The following CTNNA3 variants were observed in gnomAD, a reference collection of about 807,000 sequenced individuals.
CTNNA3 encodes catenin alpha-3.
A neutral mutation model predicts 95.7 loss-of-function variants in CTNNA3; 76 were observed. That is an observed-to-expected ratio of 0.79 (90% CI 0.66 to 0.96). The LOEUF is 0.96. Among genes scored for constraint, CTNNA3 ranks in the 40% least tolerant of loss-of-function variants. CTNNA3 has a pLI of 0.00. For missense variants in CTNNA3, 1,191 were observed against 1,089.8 expected, an observed-to-expected ratio of 1.09 and a Z score of -1.31; for synonymous variants, 431 against 374.4, an observed-to-expected ratio of 1.15 and a Z score of -1.74.
intron 13 of CTNNA3, among the ~76,000 whole-genome samples, chr10:66,214,349 C>G (rs1022710555): frequency 6.6e-6 from 1 of 152,124 alleles, no homozygotes; most frequent in Non-Finnish European, 1.5e-5. Context: ...GGAGAAACAG[C>G]ATATATTATA....
At chr10:67,602,025 T>C (rs1446780334) in intron 3 of CTNNA3, among the ~76,000 whole-genome samples, 1 of 152,180 alleles carries the variant, frequency 6.6e-6, no homozygotes, top group African/African-American at 2.4e-5. Flanking sequence ...TATGTCTTTA[T>C]TGGAAGGAAA....
chr10:66,181,493 G>A (rs1167449067), intron 13 of CTNNA3, among the ~76,000 whole-genome samples: 2 of 152,000 alleles, frequency 1.3e-5, no homozygotes, highest in African/African-American at 4.8e-5. Flanking sequence ...GGCCTTTGAT[G>A]CTCATTCTCT....
chr10:67,379,832 T>A, intron 5 of CTNNA3, among the ~76,000 whole-genome samples: 1 of 151,730 alleles, frequency 6.6e-6, no homozygotes, highest in East Asian at 1.9e-4. Flanking sequence ...GCATCCCGGC[T>A]AAAACGGTGA....
At chr10:67,575,617 C>G (rs977217789) in intron 3 of CTNNA3, among the ~76,000 whole-genome samples, 1 of 152,186 alleles carries the variant, frequency 6.6e-6, no homozygotes, top group Non-Finnish European at 1.5e-5. Flanking sequence ...ACCCACTGCT[C>G]ATTTCTGCCT....
intron 1 of CTNNA3, among the ~76,000 whole-genome samples, chr10:67,727,006 T>C (rs867877946): frequency 1.1e-3 from 129 of 112,726 alleles, no homozygotes; most frequent in African/African-American, 3.7e-3. Flanking sequence ...ATATAATATA[T>C]GATACATATA....
At chr10:67,749,513 C>G (rs763755249) in intron 1 of CTNNA3, among the ~76,000 whole-genome samples, 3 of 152,142 alleles carry the variant, frequency 2.0e-5, no homozygotes, top group African/African-American at 4.8e-5. Context: ...GAAAGTGACT[C>G]AAAACCACAC....
intron 12 of CTNNA3, among the ~76,000 whole-genome samples, chr10:66,351,625 A>G (rs567117735): frequency 4.0e-4 from 61 of 152,206 alleles, no homozygotes; most frequent in African/African-American, 1.4e-3. Context: ...GGTTAAAAAC[A>G]TGATCACATT....
At chr10:67,245,225 C>T (rs1564508572) in intron 5 of CTNNA3, among the ~76,000 whole-genome samples, 2 of 152,140 alleles carry the variant, frequency 1.3e-5, no homozygotes, top group African/African-American at 2.4e-5. Flanking sequence ...GACTCCCTAA[C>T]TTCTTTCAAG....
At chr10:66,115,813 C>T (rs72793499) in intron 13 of CTNNA3, among the ~76,000 whole-genome samples, 15,522 of 151,848 alleles carry the variant, frequency 0.1, 1,031 homozygotes, top group African/African-American at 0.19. Context: ...ATAAGCAGGA[C>T]GGCCAAAACT....
intron 14 of CTNNA3, among the ~76,000 whole-genome samples, chr10:66,102,900 A>G (rs941696762): frequency 6.6e-6 from 1 of 152,050 alleles, no homozygotes; most frequent in Non-Finnish European, 1.5e-5. Flanking sequence ...TATTCCCATG[A>G]CTCCTATAAA....
chr10:66,778,403 T>G (rs913764708), intron 7 of CTNNA3, among the ~76,000 whole-genome samples: 1 of 152,182 alleles, frequency 6.6e-6, no homozygotes, highest in Admixed American at 6.5e-5. Flanking sequence ...GAATTCTGTG[T>G]TCTGAGACAA....
intron 3 of CTNNA3, among the ~76,000 whole-genome samples, chr10:67,548,762 A>G (rs1403683105): frequency 2.0e-5 from 3 of 152,116 alleles, no homozygotes; most frequent in Non-Finnish European, 4.4e-5. Flanking sequence ...GAACTGGACA[A>G]TCAAAACTTA....
intron 7 of CTNNA3, among the ~76,000 whole-genome samples, chr10:66,832,665 T>A (rs1219038343): frequency 6.6e-6 from 1 of 151,910 alleles, no homozygotes; most frequent in Non-Finnish European, 1.5e-5. Flanking sequence ...GGTTTTTTTA[T>A]GACCCAACTC....
At chr10:66,107,701 A>G (rs2081962241) in intron 13 of CTNNA3, among the ~76,000 whole-genome samples, 2 of 152,082 alleles carry the variant, frequency 1.3e-5, no homozygotes, top group African/African-American at 4.8e-5. Flanking sequence ...AGGATCCCTA[A>G]TGAAACAGGT....
intron 13 of CTNNA3, among the ~76,000 whole-genome samples, chr10:66,130,162 G>A (rs1475499746): frequency 6.6e-6 from 1 of 152,242 alleles, no homozygotes. Context: ...ACATAGTCCT[G>A]CACCCACCAC....
At chr10:67,231,118 A>G (rs1213557005) in intron 5 of CTNNA3, among the ~76,000 whole-genome samples, 1 of 152,216 alleles carries the variant, frequency 6.6e-6, no homozygotes, top group Non-Finnish European at 1.5e-5. Flanking sequence ...GCCATTGCCC[A>G]GGCCTGCTTA....
intron 1 of CTNNA3, among the ~76,000 whole-genome samples, chr10:67,655,921 GAA>G (rs71006157): frequency 2.1e-4 from 32 of 149,240 alleles, no homozygotes; most frequent in African/African-American, 7.9e-4. Context: ...GATGTTAACT[GAA>G]AAAAAAAATC....
At chr10:66,811,032 G>A (rs7350451) in intron 7 of CTNNA3, among the ~76,000 whole-genome samples, 91,483 of 152,038 alleles carry the variant, frequency 0.6, 27,597 homozygotes, top group East Asian at 0.76. Context: ...TTAGATAAAC[G>A]CAAATTGAAA....
At chr10:67,416,118 A>T (rs1275315233) in intron 5 of CTNNA3, among the ~76,000 whole-genome samples, 1 of 152,144 alleles carries the variant, frequency 6.6e-6, no homozygotes, top group East Asian at 1.9e-4. Context: ...CCCCAAATGC[A>T]ACTGCAATAA....
Sources: allele counts gnomAD v4.1 joint callset (sites outside exome capture counted in the v4.1 genomes callset), GRCh38; gene constraint gnomAD v4.1.1; transcripts MANE v1.5; gene names NCBI Gene and HGNC (gene_info 2026-07-23, HGNC 2026-07-21).